REDIC1: variants seen among roughly 807,000 people sequenced by gnomAD.
REDIC1 encodes HEI10 Interacting Protein 1.
the REDIC1 span, among the ~76,000 whole-genome samples, chr12:39,841,437 G>A: frequency 1.3e-5 from 2 of 152,072 alleles, no homozygotes; most frequent in African/African-American, 4.8e-5. Context: ...TGCCAAATCT[G>A]TCAACTCCAG....
the REDIC1 span, among the ~76,000 whole-genome samples, chr12:39,715,350 C>T: frequency 2.6e-5 from 4 of 151,800 alleles, no homozygotes; most frequent in South Asian, 2.1e-4. Flanking sequence ...TCGTTTCCTT[C>T]GTTGAAGATC....
the REDIC1 span, among the ~76,000 whole-genome samples, chr12:39,834,445 C>A: frequency 6.6e-6 from 1 of 152,038 alleles, no homozygotes; most frequent in Non-Finnish European, 1.5e-5. Context: ...AGGACCAACA[C>A]CAAGTCTCAC....
the REDIC1 span, among the ~76,000 whole-genome samples, chr12:39,762,067 C>T: frequency 6.6e-6 from 1 of 152,120 alleles, no homozygotes; most frequent in Admixed American, 6.5e-5. Context: ...TATTAAAATA[C>T]AAGACCGTTT....
the REDIC1 span, among the ~76,000 whole-genome samples, chr12:39,734,427 A>G: frequency 6.6e-6 from 1 of 152,184 alleles, no homozygotes; most frequent in Non-Finnish European, 1.5e-5. Context: ...AATTTTGATA[A>G]AATCAAATTT....
chr12:39,710,810 G>C, the REDIC1 span, among the ~76,000 whole-genome samples: 2 of 151,582 alleles, frequency 1.3e-5, no homozygotes, highest in African/African-American at 4.8e-5. Context: ...AACACTTTGA[G>C]GGCTCTGACC....
the REDIC1 span, among the ~76,000 whole-genome samples, chr12:39,641,187 T>C: frequency 6.6e-6 from 1 of 151,882 alleles, no homozygotes; most frequent in Admixed American, 6.6e-5. Context: ...TGATTCCTGC[T>C]GTCCTTCTAA....
chr12:39,826,273 T>G, the REDIC1 span, among the ~76,000 whole-genome samples: 290 of 152,138 alleles, frequency 1.9e-3, 2 homozygotes, highest in African/African-American at 6.6e-3. Context: ...TTTGACTTAG[T>G]ACTTATCTAA....
chr12:39,682,817 C>G, the REDIC1 span: 27 of 1,612,076 alleles, frequency 1.7e-5, no homozygotes, highest in African/African-American at 3.3e-4. Context: ...AATTGTGACT[C>G]TTTTGTTAGT....
At chr12:39,890,565 T>C in the REDIC1 span, among the ~76,000 whole-genome samples, 1 of 152,248 alleles carries the variant, frequency 6.6e-6, no homozygotes, top group Non-Finnish European at 1.5e-5. Flanking sequence ...ATCTGACCTC[T>C]GTCAGATTTC....
chr12:39,713,903 A>T, the REDIC1 span, among the ~76,000 whole-genome samples: 1 of 147,408 alleles, frequency 6.8e-6, no homozygotes, highest in Non-Finnish European at 1.5e-5. Context: ...ATACGTATAT[A>T]CGTATGTGTA....
At chr12:39,896,113 A>G in the REDIC1 span, among the ~76,000 whole-genome samples, 3 of 143,624 alleles carry the variant, frequency 2.1e-5, no homozygotes, top group Admixed American at 1.4e-4. Flanking sequence ...TACATATATG[A>G]ATGCATACAT....
the REDIC1 span, among the ~76,000 whole-genome samples, chr12:39,661,316 TTA>T: frequency 2.5e-3 from 386 of 152,228 alleles, 1 homozygote; most frequent in African/African-American, 8.4e-3. Context: ...TTGCTGTTTG[TTA>T]TTTTTTTGTT....
the REDIC1 span, among the ~76,000 whole-genome samples, chr12:39,845,117 C>T: frequency 1.3e-5 from 2 of 151,794 alleles, no homozygotes; most frequent in Non-Finnish European, 2.9e-5. Context: ...ATTTGAATAT[C>T]TAGTATCTGC....
chr12:39,741,758 A>G, the REDIC1 span, among the ~76,000 whole-genome samples: 149,178 of 152,268 alleles, frequency 0.98, 73,086 homozygotes, highest in East Asian at 1. Context: ...GGTTATAGGC[A>G]GGTTTCCAGA....
the REDIC1 span, among the ~76,000 whole-genome samples, chr12:39,885,412 C>G: frequency 2.4e-3 from 358 of 152,208 alleles, 1 homozygote; most frequent in African/African-American, 8.4e-3. Context: ...GTAAGAAGTA[C>G]AGAGAGAATC....
chr12:39,898,489 G>C, the REDIC1 span, among the ~76,000 whole-genome samples: 1 of 120,472 alleles, frequency 8.3e-6, no homozygotes, highest in South Asian at 2.6e-4. Flanking sequence ...TAGTTCTATA[G>C]TAGCCACGCT....
the REDIC1 span, among the ~76,000 whole-genome samples, chr12:39,691,152 A>G: frequency 6.6e-6 from 1 of 152,128 alleles, no homozygotes; most frequent in Non-Finnish European, 1.5e-5. Context: ...GAAGATTTTT[A>G]TGGACCAGGA....
chr12:39,767,975 C>T, the REDIC1 span, among the ~76,000 whole-genome samples: 1 of 152,072 alleles, frequency 6.6e-6, no homozygotes, highest in African/African-American at 2.4e-5. Context: ...TATAAACTAC[C>T]CAGTCTCAGG....
the REDIC1 span, among the ~76,000 whole-genome samples, chr12:39,780,150 A>C: frequency 6.6e-6 from 1 of 152,234 alleles, no homozygotes; most frequent in Non-Finnish European, 1.5e-5. Context: ...ATATTACTTC[A>C]TTTAAATCTG....
Sources: gnomAD v4.1 joint callset for allele counts (sites outside exome capture counted in the v4.1 genomes callset) on GRCh38, gnomAD v4.1.1 for gene constraint, MANE v1.5 for transcripts, NCBI Gene and HGNC (gene_info 2026-07-23, HGNC 2026-07-21) for gene names.